STARD9: variants seen among roughly 807,000 people sequenced by gnomAD.
The protein encoded by STARD9 is StAR related lipid transfer domain containing 9.
In STARD9, 346 loss-of-function variants were observed where a neutral mutation model predicts 399.8. The ratio of observed to expected loss-of-function variants is 0.87; its 90% CI spans 0.79 to 0.95. STARD9 has a LOEUF of 0.95. STARD9 is among the 40% of genes least tolerant of loss of function. The pLI is 0.00. For missense variants in STARD9, 5,832 were observed against 5,667.5 expected (o/e 1.03, Z -0.93); for synonymous variants, 2,203 against 2,143.5 (o/e 1.03, Z -0.77).
chr15:42,639,185 C>T (rs943650751), intron 7 of STARD9, among the ~76,000 whole-genome samples: 2 of 152,110 alleles, frequency 1.3e-5, no homozygotes, highest in Non-Finnish European at 2.9e-5. Flanking sequence ...TGAAGAATGA[C>T]GTAACGTGGT....
At chr15:42,613,134 G>A (rs2058888183) in intron 3 of STARD9, among the ~76,000 whole-genome samples, 1 of 151,950 alleles carries the variant, frequency 6.6e-6, no homozygotes, top group Non-Finnish European at 1.5e-5. Context: ...ATGCATTTAT[G>A]TATATCTGTC....
chr15:42,694,593 C>T lies in STARD9; in HGVS notation c.12830C>T (p.Thr4277Met), dbSNP rs563296277. The change falls in exon 24 of 33, where the codon ACG becomes ATG. Residue 4277 changes from threonine (T) to methionine (M), a missense_variant. This residue lies in a region of STARD9 where 5,828 missense variants were observed against 5,651.1 expected (regional missense o/e 1.03). Transcript: ENST00000290607. ...GAGCGACTTGGGAACTTCTGCCGGA[C>T]GCGAAGCCTTAGCCCTCAGAAACAA... is the stretch of plus-strand genomic sequence containing the variant. Reference protein sequence around the residue: ...RAERLGNFCRTRSLSPQKQLS... With the variant: ...RAERLGNFCRMRSLSPQKQLS... 5.3e-5 allele frequency: 82 copies of T among 1,537,204 alleles called. No individual in the cohort carries two copies. The highest frequency in any genetic ancestry group is 6.3e-5 in the Non-Finnish European group (72 of 1,146,898).
At chr15:42,716,831 T>G in intron 27 of STARD9, 67 bp downstream of exon 27, 1 of 1,522,754 alleles carries the variant, frequency 6.6e-7, no homozygotes, top group Non-Finnish European at 8.8e-7. Flanking sequence ...TGATGGCTGC[T>G]AGATCTTAGT....
In STARD9 at chr15:42,688,082, C is replaced by T. The variant is rs2060605156; in HGVS notation, c.6504C>T (p.Thr2168=). Reference sequence around the variant, plus strand: ...AGAGTGAACCTGTGAGAGAGCACACCCACCCAGCTGGATCGGACAGACCTG... The same window carrying T: ...AGAGTGAACCTGTGAGAGAGCACACTCACCCAGCTGGATCGGACAGACCTG... The part of the protein sequence containing the change: ...VRESEPVREH[T]HPAGSDRPAR... Residue 2168 remains threonine (T), a synonymous_variant, in exon 23 of 33, where the codon ACC becomes ACT. Coordinates refer to ENST00000290607, the MANE Select transcript of STARD9 (RefSeq NM_020759.3). The T allele has an allele frequency of 2.0e-6, 3 of 1,537,290 alleles. No individual in the cohort carries two copies. Among genetic ancestry groups the T allele is most frequent in the Non-Finnish European group, 2.6e-6 (3 of 1,146,946 alleles).
At chr15:42,706,752 T>C (rs1298188295) in intron 26 of STARD9, among the ~76,000 whole-genome samples, 1 of 152,216 alleles carries the variant, frequency 6.6e-6, no homozygotes, top group Non-Finnish European at 1.5e-5. Flanking sequence ...ACCTGGCTTT[T>C]TTATAGCTTT....
Position 42,691,372 on chromosome 15 carries a change from A to G in STARD9, c.9794A>G (p.Gln3265Arg), listed in dbSNP as rs879355832. The change falls in exon 23 of 33, where the codon CAG becomes CGG. Residue 3265 changes from glutamine to arginine, a missense_variant. Physicochemically the swap from Gln to Arg is conservative, Grantham distance 43. This residue lies in a region of STARD9 where 5,828 missense variants were observed against 5,651.1 expected (regional missense o/e 1.03). Coordinates refer to ENST00000290607, the MANE Select transcript of STARD9 (RefSeq NM_020759.3). ...CCTCCTGTGTCCAAGATTTTATCACAGGGCTTCAAAGACCCAGCCACTGTG... is the reference window on the plus strand; with the variant it reads ...CCTCCTGTGTCCAAGATTTTATCACGGGGCTTCAAAGACCCAGCCACTGTG... ...AKPPVSKILS[Q>R]GFKDPATVSL... 9.8e-5 allele frequency: 151 copies of G among 1,537,094 alleles called. No homozygotes were observed. Among genetic ancestry groups the G allele is most frequent in the Non-Finnish European group, 1.3e-4 (148 of 1,146,900 alleles).
At chr15:42,712,081 T>TATATATATA (rs57090140) in intron 26 of STARD9, among the ~76,000 whole-genome samples, 2 of 39,130 alleles carry the variant, frequency 5.1e-5, no homozygotes, top group African/African-American at 6.5e-4. Context: ...TATATATATA[T>TATATATATA]TATATATATA....
intron 3 of STARD9, among the ~76,000 whole-genome samples, chr15:42,594,698 C>T (rs2058469559): frequency 6.6e-6 from 1 of 152,074 alleles, no homozygotes; most frequent in East Asian, 1.9e-4. Context: ...GCTGGGAAAT[C>T]CTGTTGTTTA....
intron 3 of STARD9, among the ~76,000 whole-genome samples, chr15:42,617,731 T>C (rs1403360834): frequency 1.3e-5 from 2 of 152,094 alleles, no homozygotes; most frequent in African/African-American, 2.4e-5. Context: ...TTTCATTCCT[T>C]CGTTTTTGTT....
At chr15:42,663,089 TA>T (rs888671677) in intron 11 of STARD9, 191 bp from the exon 12 acceptor site, 11 of 721,182 alleles carry the variant, frequency 1.5e-5, no homozygotes, top group African/African-American at 1.2e-4. Context: ...GAGGGGAGTC[TA>T]AAAAATTATG....
At chr15:42,617,365 A>AT (rs955549557) in intron 3 of STARD9, among the ~76,000 whole-genome samples, 14 of 151,766 alleles carry the variant, frequency 9.2e-5, no homozygotes, top group African/African-American at 2.9e-4. Context: ...ACCTATAATA[A>AT]TTTTTTTTTC....
intron 1 of STARD9, among the ~76,000 whole-genome samples, chr15:42,582,751 A>C (rs1292679832): frequency 1.3e-5 from 2 of 152,182 alleles, no homozygotes; most frequent in African/African-American, 4.8e-5. Flanking sequence ...GGGGTGCAGC[A>C]TCGTGATCAT....
chr15:42,694,474 T>A, intron 23 of STARD9, 54 bp from the exon 24 acceptor site: 1 of 1,529,478 alleles, frequency 6.5e-7, no homozygotes, highest in Non-Finnish European at 8.8e-7. Flanking sequence ...CAGAGATAGA[T>A]CTTAAAGTGA....
chr15:42,717,943 C>A, intron 29 of STARD9, 34 bp from the exon 30 acceptor site: 2 of 1,533,882 alleles, frequency 1.3e-6, no homozygotes, highest in Non-Finnish European at 1.7e-6. Flanking sequence ...TTTTTGACCC[C>A]TTTCTATTTT....
intron 7 of STARD9, among the ~76,000 whole-genome samples, chr15:42,641,147 A>G (rs556256885): frequency 1.5e-4 from 23 of 152,300 alleles, no homozygotes; most frequent in African/African-American, 4.6e-4. Context: ...CATGTGTCCA[A>G]TGTCAATGAC....
chr15:42,712,776 C>A (rs1225951690), intron 26 of STARD9, among the ~76,000 whole-genome samples: 4 of 152,176 alleles, frequency 2.6e-5, no homozygotes, highest in Non-Finnish European at 5.9e-5. Context: ...AAGCGATCCT[C>A]CCACCTCAGC....
rs2061384898 is a variant in STARD9 at position 42,718,083 on chromosome 15, T to C, written c.13666T>C (p.Trp4556Arg). 6.5e-7 allele frequency: 1 copy of C among 1,537,230 alleles called. No homozygotes were observed. Among genetic ancestry groups the C allele is most frequent in the African/African-American group, 1.4e-5 (1 of 73,148 alleles). Residue 4556 changes from tryptophan (W) to arginine (R), a missense_variant, in exon 30 of 33, where the codon TGG (tryptophan) becomes CGG (arginine). Trp to Arg is a moderately radical substitution (Grantham distance 101, BLOSUM62 -3). Transcript: ENST00000290607. ...GGTGTCCCAGCCGCTGTCTCGTGTGTGGGCGGCTGTCAGTGACCCCACTGT... is the reference window on the plus strand; with the variant it reads ...GGTGTCCCAGCCGCTGTCTCGTGTGCGGGCGGCTGTCAGTGACCCCACTGT... ...GVVSQPLSRV[W>R]AAVSDPTVWP...
At chr15:42,625,111 C>T (rs944394550) in intron 3 of STARD9, among the ~76,000 whole-genome samples, 1 of 152,180 alleles carries the variant, frequency 6.6e-6, no homozygotes, top group African/African-American at 2.4e-5. Context: ...ACTGCAACCT[C>T]TGCCTCCCAG....
rs1421140701 is a variant in STARD9, at chr15:42,720,804, TAA to T, written c.*1231_*1232del. ...GGCATTTTTCCCTCTTACCTCAGAT[TAA>T]GTTATTTATATATTGTTGATTGAAG... On this transcript the variant is annotated 3_prime_UTR_variant, in exon 33 of 33. Coordinates refer to ENST00000290607, the MANE Select transcript of STARD9 (RefSeq NM_020759.3). 1 of 152,184 alleles carries T rather than the reference TAA, an allele frequency of 6.6e-6. No individual in the cohort carries two copies. The highest frequency in any genetic ancestry group is 2.4e-5 in the African/African-American group (1 of 41,444). The allele number at this position is 152,184 out of a possible 1,614,324, so 9.4% of individuals were successfully genotyped here. A position where few individuals can be genotyped will look rare whatever the true frequency, so the allele number is the denominator to read the frequency against.
Sources: gnomAD v4.1 joint callset for allele counts (sites outside exome capture counted in the v4.1 genomes callset) on GRCh38, gnomAD v4.1.1 for gene constraint, gnomAD v4.1.1 regional missense constraint, MANE v1.5 for transcripts, NCBI Gene and HGNC (gene_info 2026-07-23, HGNC 2026-07-21) for gene names.